The following PDE4D variants were observed in gnomAD, a reference collection of about 807,000 sequenced individuals.
The protein encoded by PDE4D is phosphodiesterase 4D.
In PDE4D, 24 loss-of-function variants were observed where a neutral mutation model predicts 87.4. That is an observed-to-expected ratio of 0.27 (90% confidence interval 0.20 to 0.39). The LOEUF is 0.39. Ranked by LOEUF, PDE4D falls within the 10% of genes least tolerant of loss-of-function variation. The pLI is 1.00. For synonymous variants in PDE4D, 384 were observed against 383.2 expected, an observed-to-expected ratio of 1.00 and a Z score of -0.02; for missense variants, 714 against 1,041.0, an observed-to-expected ratio of 0.69 and a Z score of 4.32.
chr5:59,451,666 C>G lies in PDE4D; in HGVS notation c.456-235698G>C, dbSNP rs1459799808. ...AAGACATGCAGACTCCACCTCCTACCTCTATCTCTCAGATAAGCTCACTTT... is the reference window on the plus strand; with the variant it reads ...AAGACATGCAGACTCCACCTCCTACGTCTATCTCTCAGATAAGCTCACTTT... On this transcript the variant is annotated intron_variant, in intron 1 of 14. Transcript: ENST00000340635. Among the ~76,000 whole-genome samples the G allele has an allele frequency of 2.6e-5, 4 of 152,306 alleles. No individual in the cohort carries two copies. The East Asian group carries it at 7.7e-4, about 29-fold the overall frequency.
At chr5:59,834,826 A>G (rs6450534) in intron 1 of PDE4D, among the ~76,000 whole-genome samples, 14,196 of 152,054 alleles carry the variant, frequency 0.093, 2,067 homozygotes, top group African/African-American at 0.31. Context: ...GAAGCTTCAT[A>G]CTTGAAGGGT....
chr5:60,351,078 T>C (rs147278932), intron 1 of PDE4D, among the ~76,000 whole-genome samples: 2,299 of 152,264 alleles, frequency 0.015, 57 homozygotes, highest in African/African-American at 0.052. Context: ...TTTGGCAGTA[T>C]TCTCTGAAAA....
At chr5:59,239,413 G>A (rs1305508179) in intron 1 of PDE4D, among the ~76,000 whole-genome samples, 1 of 152,152 alleles carries the variant, frequency 6.6e-6, no homozygotes, top group Non-Finnish European at 1.5e-5. Flanking sequence ...AGCCTGCCCA[G>A]ACAGTTTTTA....
At chr5:59,667,229 A>AT (rs1554056203) in intron 1 of PDE4D, among the ~76,000 whole-genome samples, 5 of 151,166 alleles carry the variant, frequency 3.3e-5, no homozygotes, top group African/African-American at 1.2e-4. Flanking sequence ...CCCTCCTAGA[A>AT]TTTTTTTTTG....
chr5:59,464,828 G>A (rs927497169), intron 1 of PDE4D, among the ~76,000 whole-genome samples: 1 of 152,078 alleles, frequency 6.6e-6, no homozygotes, highest in African/African-American at 2.4e-5. Context: ...AAACATCTAC[G>A]TATTTGCTAT....
chr5:60,226,567 C>T (rs1195365559), intron 1 of PDE4D, among the ~76,000 whole-genome samples: 1 of 151,988 alleles, frequency 6.6e-6, no homozygotes, highest in Non-Finnish European at 1.5e-5. Context: ...TGAAAAACAG[C>T]GTTATTTTTT....
intron 1 of PDE4D, among the ~76,000 whole-genome samples, chr5:59,494,250 A>C (rs1033014833): frequency 6.6e-6 from 1 of 152,186 alleles, no homozygotes; most frequent in Non-Finnish European, 1.5e-5. Flanking sequence ...AATGTGTCAG[A>C]TATGTAATAA....
At chr5:59,381,535 T>C (rs992479882) in intron 1 of PDE4D, among the ~76,000 whole-genome samples, 1 of 152,200 alleles carries the variant, frequency 6.6e-6, no homozygotes, top group African/African-American at 2.4e-5. Flanking sequence ...ATATGGAATT[T>C]AGTTTAAGTT....
intron 1 of PDE4D, among the ~76,000 whole-genome samples, chr5:60,422,661 A>G (rs1397878051): frequency 6.6e-6 from 1 of 152,332 alleles, no homozygotes; most frequent in Middle Eastern, 3.4e-3. Context: ...ACCAGCTAAC[A>G]TCATAATGAC....
chr5:59,350,229 T>C (rs965911305), intron 1 of PDE4D, among the ~76,000 whole-genome samples: 1 of 152,148 alleles, frequency 6.6e-6, no homozygotes, highest in Non-Finnish European at 1.5e-5. Context: ...TACACTCTCC[T>C]GTCTGCAAGA....
chr5:59,519,513 C>T (rs959801219), intron 1 of PDE4D, among the ~76,000 whole-genome samples: 4 of 152,174 alleles, frequency 2.6e-5, no homozygotes, highest in Non-Finnish European at 5.9e-5. Flanking sequence ...ATGCTTGGCA[C>T]ATTCAGGGAA....
At chr5:59,783,250 C>T (rs1429684579) in intron 1 of PDE4D, among the ~76,000 whole-genome samples, 1 of 152,186 alleles carries the variant, frequency 6.6e-6, no homozygotes, top group Admixed American at 6.5e-5. Flanking sequence ...CTGGGCCACA[C>T]CACCCCAGAC....
chr5:59,095,875 G>A (rs138887409), intron 5 of PDE4D, among the ~76,000 whole-genome samples: 1 of 152,288 alleles, frequency 6.6e-6, no homozygotes, highest in East Asian at 1.9e-4. Flanking sequence ...AGGCTAAGCT[G>A]CTAAATAGGC....
At chr5:59,816,251 C>T (rs1050806924) in intron 1 of PDE4D, among the ~76,000 whole-genome samples, 2 of 152,172 alleles carry the variant, frequency 1.3e-5, no homozygotes, top group Non-Finnish European at 2.9e-5. Context: ...TCCTTAATAA[C>T]CTGTAAGTTA....
intron 3 of PDE4D, among the ~76,000 whole-genome samples, chr5:59,971,533 A>G (rs1161071848): frequency 6.6e-6 from 1 of 151,856 alleles, no homozygotes; most frequent in Non-Finnish European, 1.5e-5. Flanking sequence ...AGTGCAAACC[A>G]CTCTCATTAG....
chr5:59,850,316 T>G (rs1744489250), intron 1 of PDE4D, among the ~76,000 whole-genome samples: 1 of 152,056 alleles, frequency 6.6e-6, no homozygotes, highest in African/African-American at 2.4e-5. Context: ...CGCCAGAACC[T>G]CCAAACTTTT....
chr5:59,033,614 G>A (rs959921073), intron 6 of PDE4D, among the ~76,000 whole-genome samples: 9 of 152,066 alleles, frequency 5.9e-5, no homozygotes, highest in Non-Finnish European at 4.4e-5. Flanking sequence ...TGTAACTATC[G>A]CAGAAATCTT....
At position 60,084,225 on chromosome 5, in the gene PDE4D, G is replaced by T. The variant is rs192955830; in HGVS notation, c.43-95508C>A. Reference sequence around the variant, plus strand: ...CATAGAAATGGTGTTTTAAACATCAGAGAGAAATTTTCAGTGGGGTGCCAA... The same window carrying T: ...CATAGAAATGGTGTTTTAAACATCATAGAGAAATTTTCAGTGGGGTGCCAA... On this transcript the variant is annotated intron_variant, in intron 2 of 16. Transcript: ENST00000502484. 2.6e-3 allele frequency among the ~76,000 whole-genome samples: 400 copies of T among 152,314 alleles called. 2 individuals carry two copies. Among genetic ancestry groups the T allele is most frequent in the African/African-American group, 9.3e-3 (385 of 41,564 alleles).
intron 1 of PDE4D, among the ~76,000 whole-genome samples, chr5:59,272,073 T>C (rs1412347555): frequency 6.6e-6 from 1 of 152,002 alleles, no homozygotes. Flanking sequence ...CAATAACCAA[T>C]TTTAAAATTT....
Sources: allele counts gnomAD v4.1 joint callset (sites outside exome capture counted in the v4.1 genomes callset), GRCh38; gene constraint gnomAD v4.1.1; transcripts MANE v1.5; gene names NCBI Gene and HGNC (gene_info 2026-07-23, HGNC 2026-07-21).